MAP3K9: variants seen among roughly 807,000 people sequenced by gnomAD.
MAP3K9 encodes mitogen-activated protein kinase kinase kinase 9.
MAP3K9 carries 46 observed loss-of-function variants against 95.8 expected under a neutral mutation model. The ratio of observed to expected loss-of-function variants is 0.48; its 90% CI spans 0.38 to 0.61. The LOEUF is 0.61. Among genes scored for constraint, MAP3K9 ranks in the 20% least tolerant of loss-of-function variants. The pLI is 0.00. For missense variants in MAP3K9, 1,296 were observed against 1,474.3 expected (o/e 0.88, Z 1.98); for synonymous variants, 533 against 593.8 (o/e 0.90, Z 1.49).
chr14:70,751,142 G>T (rs2054221901), intron 3 of MAP3K9, among the ~76,000 whole-genome samples: 1 of 152,182 alleles, frequency 6.6e-6, no homozygotes, highest in Admixed American at 6.5e-5. Flanking sequence ...ACTTCAGTGT[G>T]CCCTCCCTAT....
chr14:70,802,056 AAAGG>A (rs1442834494), intron 1 of MAP3K9, among the ~76,000 whole-genome samples: 7 of 152,154 alleles, frequency 4.6e-5, no homozygotes, highest in Admixed American at 2.0e-4. Flanking sequence ...ATCTTTCAGA[AAAGG>A]AATGTTGTTA....
rs1218638593 is a variant in MAP3K9, at chr14:70,783,470, T to A, written c.820+17197A>T. On this transcript the variant is annotated intron_variant, in intron 2 of 11. Coordinates refer to ENST00000554752, the MANE Select transcript of MAP3K9 (RefSeq NM_001284230.2). ...GAGCTCCTGAAGGATTCACTCTTTG[T>A]CCCCTCCCCTTTCCTCCCATCACAA... The A allele has an allele frequency of 1.3e-5, 12 of 903,916 alleles. No individual in the cohort carries two copies. In the Admixed American group the frequency reaches 2.5e-4, roughly 19 times the overall value. 56.0% of individuals were successfully genotyped at this position (903,916 alleles called of 1,614,324 possible). A position where few individuals can be genotyped will look rare whatever the true frequency, so the allele number is the denominator to read the frequency against.
At chr14:70,754,693 G>A (rs1018038513) in intron 3 of MAP3K9, among the ~76,000 whole-genome samples, 2 of 152,018 alleles carry the variant, frequency 1.3e-5, no homozygotes, top group East Asian at 1.9e-4. Context: ...GGATGGTCTC[G>A]ATCTCCTGAC....
chr14:70,748,750 T>C (rs980906903), intron 5 of MAP3K9, 79 bp downstream of exon 5: 20 of 1,157,540 alleles, frequency 1.7e-5, no homozygotes, highest in Non-Finnish European at 2.5e-5. Flanking sequence ...CAGAGGTCCC[T>C]GTGAGTGAGG....
intron 1 of MAP3K9, among the ~76,000 whole-genome samples, chr14:70,804,803 A>G (rs2054972550): frequency 6.6e-6 from 1 of 152,206 alleles, no homozygotes; most frequent in African/African-American, 2.4e-5. Flanking sequence ...TGAGTAGAAC[A>G]TAAAAATCTC....
intron 10 of MAP3K9, among the ~76,000 whole-genome samples, 161 bp downstream of exon 10, chr14:70,734,225 G>C (rs2053953004): frequency 6.6e-6 from 1 of 152,242 alleles, no homozygotes; most frequent in Admixed American, 6.5e-5. Flanking sequence ...TACAAGTGTA[G>C]TATGAGTTTC....
chr14:70,787,800 A>G (rs1412209361), intron 2 of MAP3K9, among the ~76,000 whole-genome samples: 1 of 152,200 alleles, frequency 6.6e-6, no homozygotes, highest in Non-Finnish European at 1.5e-5. Context: ...CCAGAAAGGA[A>G]CTAGGGACAA....
intron 3 of MAP3K9, 64 bp from the exon 4 acceptor site, chr14:70,750,145 T>TAA: frequency 8.4e-7 from 1 of 1,183,550 alleles, no homozygotes; most frequent in South Asian, 1.3e-5. Flanking sequence ...CTGCAATAGC[T>TAA]CGAGTCTTTT....
chr14:70,779,673 A>C (rs1278120218), intron 2 of MAP3K9, among the ~76,000 whole-genome samples: 1 of 152,202 alleles, frequency 6.6e-6, no homozygotes, highest in Non-Finnish European at 1.5e-5. Flanking sequence ...CTGCAGCCAC[A>C]AACACCTAGA....
At chr14:70,736,829 CCCTACATAT>C (rs1450410924) in intron 8 of MAP3K9, among the ~76,000 whole-genome samples, 1 of 152,128 alleles carries the variant, frequency 6.6e-6, no homozygotes, top group Non-Finnish European at 1.5e-5. Flanking sequence ...AGGTAGTTTG[CCCTACATAT>C]CTAAACTTTC....
At chr14:70,760,732 T>G (rs893234145) in intron 3 of MAP3K9, among the ~76,000 whole-genome samples, 1 of 152,144 alleles carries the variant, frequency 6.6e-6, no homozygotes, top group African/African-American at 2.4e-5. Context: ...GAGTACATGT[T>G]GCCCCTGGAA....
At position 70,771,485 on chromosome 14, in the gene MAP3K9, C is replaced by T. The variant is rs546764124; in HGVS notation, c.821-10303G>A. ...GGGCTTAAACTCCAGATCTATGTCA[C>T]AGCATCCTGTCTCACCTTAATAAAA... On this transcript the variant is annotated intron_variant, in intron 2 of 11. Coordinates refer to ENST00000554752, the MANE Select transcript of MAP3K9 (RefSeq NM_001284230.2). Among the ~76,000 whole-genome samples, 10 of 152,168 alleles carry T rather than the reference C, an allele frequency of 6.6e-5. No individual in the cohort carries two copies. The East Asian group carries it at 1.2e-3, about 18-fold the overall frequency.
At chr14:70,780,536 T>G (rs2054661114) in intron 2 of MAP3K9, among the ~76,000 whole-genome samples, 1 of 152,106 alleles carries the variant, frequency 6.6e-6, no homozygotes, top group African/African-American at 2.4e-5. Flanking sequence ...CCTAGCTCTC[T>G]CTAACATCCT....
chr14:70,738,443 A>G (rs767097036), intron 7 of MAP3K9, 45 bp from the exon 8 acceptor site: 2 of 1,590,188 alleles, frequency 1.3e-6, no homozygotes, highest in Non-Finnish European at 1.7e-6. Flanking sequence ...ATGGACAGAC[A>G]GGGCTCCCCC....
Position 70,809,309 on chromosome 14 carries a change from C to G in MAP3K9, c.-138G>C. Reference sequence around the variant, plus strand: ...GCAGGTAGGGCCCGGGCTGGCAGGGCTGGGAGAGCCGGCTCGCCGGCGCTG... The same window carrying G: ...GCAGGTAGGGCCCGGGCTGGCAGGGGTGGGAGAGCCGGCTCGCCGGCGCTG... On this transcript the variant is annotated 5_prime_UTR_variant, in exon 1 of 12. Coordinates refer to ENST00000554752, the MANE Select transcript of MAP3K9 (RefSeq NM_001284230.2). 1.8e-6 allele frequency: 2 copies of G among 1,106,844 alleles called. No homozygotes were observed. Among genetic ancestry groups the G allele is most frequent in the African/African-American group, 1.6e-5 (1 of 61,742 alleles). The allele number at this position is 1,106,844 out of a possible 1,614,324, so 68.6% of individuals were successfully genotyped here.
At chr14:70,783,660 T>A (rs543673933) in intron 2 of MAP3K9, among the ~76,000 whole-genome samples, 3 of 152,236 alleles carry the variant, frequency 2.0e-5, no homozygotes, top group African/African-American at 7.2e-5. Context: ...TTGTCTTTCA[T>A]AGTATTCATC....
chr14:70,730,978 T>C, intron 11 of MAP3K9, 114 bp from the exon 12 acceptor site: 1 of 1,195,026 alleles, frequency 8.4e-7, no homozygotes, highest in Non-Finnish European at 1.1e-6. Context: ...AGAACATGAA[T>C]CACCAAATGT....
chr14:70,741,866 G>C (rs1460906201), intron 6 of MAP3K9, among the ~76,000 whole-genome samples: 2 of 152,192 alleles, frequency 1.3e-5, no homozygotes, highest in Non-Finnish European at 2.9e-5. Context: ...AGAATCACTT[G>C]AACCGGGGAG....
At chr14:70,749,824 A>G in intron 4 of MAP3K9, 109 bp downstream of exon 4, 4 of 1,369,114 alleles carry the variant, frequency 2.9e-6, no homozygotes, top group Non-Finnish European at 4.1e-6. Context: ...AGGTGACTGA[A>G]ACTTTATCTC....
Sources: gnomAD v4.1 joint callset for allele counts (sites outside exome capture counted in the v4.1 genomes callset) on GRCh38, gnomAD v4.1.1 for gene constraint, MANE v1.5 for transcripts, NCBI Gene and HGNC (gene_info 2026-07-23, HGNC 2026-07-21) for gene names.